IFIH1: variants seen among roughly 807,000 people sequenced by gnomAD.
The protein encoded by IFIH1 is interferon induced with helicase C domain 1.
IFIH1 carries 125 observed loss-of-function variants against 107.4 expected under a neutral mutation model. The observed-to-expected ratio is 1.16, with a 90% CI of 1.01 to 1.35. The LOEUF (loss-of-function observed/expected upper bound fraction) is 1.35, where lower values mean the gene tolerates loss of function less well. Among genes scored for constraint, IFIH1 ranks in the 40% most tolerant of loss-of-function variants. The pLI, the probability that IFIH1 is intolerant of heterozygous loss-of-function variation, is 0.00. For missense variants in IFIH1, 1,333 were observed against 1,213.7 expected (o/e 1.10, Z -1.46); for synonymous variants, 458 against 413.2 (o/e 1.11, Z -1.31).
At chr2:162,293,101 GATACTT>G (rs1245666932) in intron 4 of IFIH1, among the ~76,000 whole-genome samples, 2 of 151,914 alleles carry the variant, frequency 1.3e-5, no homozygotes, top group Admixed American at 6.6e-5. Context: ...CTATTCAAAA[GATACTT>G]ATACAAACTT....
At chr2:162,274,885 C>G (rs1163276775) in intron 11 of IFIH1, among the ~76,000 whole-genome samples, 2 of 152,190 alleles carry the variant, frequency 1.3e-5, no homozygotes, top group East Asian at 3.9e-4. Context: ...CCATCCCCTT[C>G]CCTTTCTTCT....
chr2:162,277,698 G>A lies in IFIH1; in HGVS notation c.1766-5C>T. ...TGCGATTTCCTTCTTTTGCAGCTGTGAAAAAATATATTATGTAAGTGAAAT... is the reference window on the plus strand; with the variant it reads ...TGCGATTTCCTTCTTTTGCAGCTGTAAAAAAATATATTATGTAAGTGAAAT... On this transcript the variant is annotated splice_region_variant and splice_polypyrimidine_tract_variant and intron_variant, in intron 9 of 15. Coordinates refer to ENST00000649979, the MANE Select transcript of IFIH1 (RefSeq NM_022168.4). The A allele has an allele frequency of 6.3e-7, 1 of 1,596,784 alleles. No homozygotes were observed.
chr2:162,277,523 C>G lies in IFIH1; in HGVS notation c.1936G>C (p.Asp646His), dbSNP rs556917411. ...CAATACTCATCATCACCACCCTCAT[C>G]ACTATCATCTTCTATGACTGCAAAC... ...KKFAVIEDDS[D>H]EGGDDEYCDG... The change falls in exon 10 of 16, where the codon GAT (aspartate) becomes CAT (histidine). Residue 646 changes from aspartate (D) to histidine (H), a missense_variant. Transcript: ENST00000649979. 1 of 1,586,620 alleles carries G rather than the reference C, an allele frequency of 6.3e-7. No homozygotes were observed. The highest frequency in any genetic ancestry group is 1.7e-5 in the Admixed American group (1 of 59,800).
intron 12 of IFIH1, among the ~76,000 whole-genome samples, chr2:162,273,279 T>C (rs150961719): frequency 1.3e-5 from 2 of 152,296 alleles, no homozygotes; most frequent in African/African-American, 2.4e-5. Context: ...AACATTTCAC[T>C]CTTTTATTTA....
rs1682806607 is a variant in IFIH1 at position 162,281,414 on chromosome 2, G to GA, written c.1437dup (p.Pro480SerfsTer24). On this transcript the variant is annotated frameshift_variant, in exon 7 of 16. Transcript: ENST00000649979. LOFTEE classifies it high-confidence loss of function. ...GTTAGTCCCAGTATCTGAGGAAGGG[G>GA]AATCACTGGTTTGTTTTCTTTCTTG... 6.2e-7 allele frequency: 1 copy of GA among 1,612,598 alleles called. No homozygotes were observed. Among genetic ancestry groups the GA allele is most frequent in the South Asian group, 1.1e-5 (1 of 91,054 alleles).
intron 12 of IFIH1, 63 bp downstream of exon 12, chr2:162,273,732 G>A: frequency 8.4e-7 from 1 of 1,192,730 alleles, no homozygotes; most frequent in Non-Finnish European, 1.2e-6. Flanking sequence ...CTAAAAGAAA[G>A]CAATTAAAAT....
intron 13 of IFIH1, among the ~76,000 whole-genome samples, chr2:162,268,618 C>G (rs1162289011): frequency 6.6e-6 from 1 of 152,066 alleles, no homozygotes; most frequent in Non-Finnish European, 1.5e-5. Flanking sequence ...GAGATGGAGT[C>G]TTGCTCTGCT....
In IFIH1 at chr2:162,276,799, G is replaced by A. The variant is rs766238091; in HGVS notation, c.2192C>T (p.Ala731Val). The change falls in exon 11 of 16, where the codon GCA (alanine) becomes GTA (valine). Residue 731 changes from alanine to valine, a missense_variant. Ala to Val is a moderately conservative substitution (Grantham distance 64). Coordinates refer to ENST00000649979, the MANE Select transcript of IFIH1 (RefSeq NM_022168.4). ...GIIFTKTRQS[A>V]YALSQWITEN... ...AGTAATCCACTGGGAAAGCGCATATGCACTCTGTCGTGTTTTTGTAAAGAT... is the reference window on the plus strand; with the variant it reads ...AGTAATCCACTGGGAAAGCGCATATACACTCTGTCGTGTTTTTGTAAAGAT... 22 of 1,613,890 alleles carry A rather than the reference G, an allele frequency of 1.4e-5. No individual in the cohort carries two copies. The highest frequency in any genetic ancestry group is 1.7e-5 in the Non-Finnish European group (20 of 1,179,946).
chr2:162,316,414 C>T (rs556887794), intron 1 of IFIH1, among the ~76,000 whole-genome samples: 1 of 152,180 alleles, frequency 6.6e-6, no homozygotes, highest in Non-Finnish European at 1.5e-5. Flanking sequence ...AGCTGGTTCT[C>T]AATACACAAA....
intron 13 of IFIH1, among the ~76,000 whole-genome samples, chr2:162,270,354 A>G (rs1273054654): frequency 6.6e-6 from 1 of 152,216 alleles, no homozygotes; most frequent in Admixed American, 6.5e-5. Context: ...GAAAGATTTC[A>G]TCTTATCTGT....
chr2:162,302,107 G>A lies in IFIH1; in HGVS notation c.769+4602C>T, dbSNP rs2105222157. 1.3e-5 allele frequency among the ~76,000 whole-genome samples: 2 copies of A among 152,232 alleles called. 1 individual carries two copies. Among genetic ancestry groups the A allele is most frequent in the Admixed American group, 1.3e-4 (2 of 15,300 alleles). On this transcript the variant is annotated intron_variant, in intron 3 of 15. Coordinates refer to ENST00000649979, the MANE Select transcript of IFIH1 (RefSeq NM_022168.4). ...ACAATCCACTAGAGAACTCTGATAT[G>A]TCACCTCTAGTGCCAAAGGGATATG... is the stretch of plus-strand genomic sequence containing the variant.
intron 2 of IFIH1, chr2:162,307,310 A>G (rs538679628): frequency 1.3e-5 from 2 of 153,182 alleles, no homozygotes; most frequent in Admixed American, 1.3e-4. Flanking sequence ...TTATTCAGTG[A>G]CACAAAGTTA....
In IFIH1 at chr2:162,287,509, A is replaced by G. The variant is rs552603630; in HGVS notation, c.1095+626T>C. Among the ~76,000 whole-genome samples, 31 of 151,998 alleles carry G rather than the reference A, an allele frequency of 2.0e-4. 1 individual carries two copies. In the South Asian group the frequency reaches 6.0e-3, roughly 29 times the overall value. ...AGATGGCCTTCAAATACCCTAAGAT[A>G]TAAATTATTGAAGGAAAACTTCAGT... On this transcript the variant is annotated intron_variant, in intron 5 of 15. Coordinates refer to ENST00000649979, the MANE Select transcript of IFIH1 (RefSeq NM_022168.4).
In IFIH1 at chr2:162,282,787, C is replaced by A. The variant is rs1222688564; in HGVS notation, c.1096-211G>T. Among the ~76,000 whole-genome samples, 5 of 151,828 alleles carry A rather than the reference C, an allele frequency of 3.3e-5. No homozygotes were observed. In the East Asian group the frequency reaches 7.8e-4, roughly 24 times the overall value. ...GGTGTGGGCATTTATGTCTGGGACACAAAGATATTTAACATATGGTTGACA... is the reference window on the plus strand; with the variant it reads ...GGTGTGGGCATTTATGTCTGGGACAAAAAGATATTTAACATATGGTTGACA... On this transcript the variant is annotated intron_variant, in intron 5 of 15. Coordinates refer to ENST00000649979, the MANE Select transcript of IFIH1 (RefSeq NM_022168.4).
chr2:162,282,715 C>T (rs969305410), intron 5 of IFIH1, 139 bp from the exon 6 acceptor site: 3 of 606,468 alleles, frequency 4.9e-6, no homozygotes, highest in African/African-American at 3.7e-5. Context: ...ACGTTCCCAT[C>T]ACTCCTTTCA....
chr2:162,281,612 A>G, intron 6 of IFIH1, 67 bp from the exon 7 acceptor site: 9 of 1,205,896 alleles, frequency 7.5e-6, no homozygotes, highest in Non-Finnish European at 2.4e-6. Context: ...ATAGCTTTAG[A>G]CCAGTAATTG....
intron 3 of IFIH1, among the ~76,000 whole-genome samples, chr2:162,302,648 T>C (rs937164926): frequency 2.6e-5 from 4 of 152,182 alleles, no homozygotes; most frequent in African/African-American, 9.7e-5. Flanking sequence ...AAAACTTCAA[T>C]CAAAAGAACT....
At chr2:162,285,397 C>A (rs886292587) in intron 5 of IFIH1, among the ~76,000 whole-genome samples, 8 of 151,922 alleles carry the variant, frequency 5.3e-5, no homozygotes, top group Admixed American at 2.0e-4. Context: ...GTAACAATAC[C>A]TTGTTGTTGG....
At chr2:162,302,540 A>G (rs1683211178) in intron 3 of IFIH1, among the ~76,000 whole-genome samples, 1 of 152,236 alleles carries the variant, frequency 6.6e-6, no homozygotes. Context: ...ACAAATGCAT[A>G]TTAGAAGCTA....
Sources: allele counts gnomAD v4.1 joint callset (sites outside exome capture counted in the v4.1 genomes callset), GRCh38; gene constraint gnomAD v4.1.1; transcripts MANE v1.5; gene names NCBI Gene and HGNC (gene_info 2026-07-23, HGNC 2026-07-21).